The following PDGFC variants were observed in gnomAD, a reference collection of about 807,000 sequenced individuals.
PDGFC encodes platelet-derived growth factor C.
PDGFC carries 12 observed loss-of-function variants against 35.5 expected under a neutral mutation model. The observed-to-expected ratio is 0.34, with a 90% CI of 0.22 to 0.55. The LOEUF (loss-of-function observed/expected upper bound fraction) is 0.55, where lower values mean the gene tolerates loss of function less well. PDGFC is among the 20% of genes least tolerant of loss of function. PDGFC has a pLI of 0.91. For missense variants in PDGFC, 322 were observed against 412.4 expected (o/e 0.78, Z 1.90); for synonymous variants, 159 against 148.8 (o/e 1.07, Z -0.50).
chr4:156,967,035 T>TC (rs1268044183), intron 1 of PDGFC, among the ~76,000 whole-genome samples: 1 of 151,666 alleles, frequency 6.6e-6, no homozygotes, highest in Non-Finnish European at 1.5e-5. Context: ...TCTTTTTTTT[T>TC]TTTTTTGTAA....
intron 2 of PDGFC, among the ~76,000 whole-genome samples, chr4:156,828,884 C>A: frequency 6.6e-6 from 1 of 152,154 alleles, no homozygotes; most frequent in African/African-American, 2.4e-5. Flanking sequence ...GCAGAATTAG[C>A]TAAAGTGGGT....
chr4:156,960,592 T>C (rs1415285657), intron 1 of PDGFC, among the ~76,000 whole-genome samples: 6 of 151,894 alleles, frequency 4.0e-5, no homozygotes, highest in Admixed American at 3.9e-4. Context: ...TCACTGCCTA[T>C]TGAAAACAAA....
chr4:156,858,094 C>G (rs1318732483), intron 1 of PDGFC, among the ~76,000 whole-genome samples: 4 of 151,996 alleles, frequency 2.6e-5, no homozygotes, highest in Non-Finnish European at 5.9e-5. Context: ...TTATTTAAGT[C>G]TGTTATCCTG....
intron 3 of PDGFC, among the ~76,000 whole-genome samples, chr4:156,808,883 G>A (rs28366559): frequency 0.11 from 17,420 of 151,890 alleles, 1,314 homozygotes; most frequent in African/African-American, 0.19. Context: ...AATTGTCAAC[G>A]TAAATTTAAA....
At chr4:156,767,559 C>A (rs1730572914) in intron 5 of PDGFC, among the ~76,000 whole-genome samples, 1 of 151,982 alleles carries the variant, frequency 6.6e-6, no homozygotes. Flanking sequence ...TCATGTTATA[C>A]TACCAGAGAA....
At chr4:156,862,679 C>A (rs532039885) in intron 1 of PDGFC, among the ~76,000 whole-genome samples, 1 of 151,744 alleles carries the variant, frequency 6.6e-6, no homozygotes, top group African/African-American at 2.4e-5. Context: ...TTATAGTCAC[C>A]TTAATCACTT....
At chr4:156,928,072 T>C (rs1219834880) in intron 1 of PDGFC, among the ~76,000 whole-genome samples, 1 of 152,114 alleles carries the variant, frequency 6.6e-6, no homozygotes, top group Admixed American at 6.6e-5. Context: ...TCAGATTTCA[T>C]GAGACTTATT....
At chr4:156,842,444 CA>C (rs1391873265) in intron 2 of PDGFC, among the ~76,000 whole-genome samples, 1 of 151,664 alleles carries the variant, frequency 6.6e-6, no homozygotes, top group Middle Eastern at 3.2e-3. Flanking sequence ...TGAGAAATAA[CA>C]AAATATCTCC....
intron 1 of PDGFC, among the ~76,000 whole-genome samples, chr4:156,903,102 A>AGT (rs1426636075): frequency 4.3e-4 from 38 of 88,324 alleles, no homozygotes; most frequent in African/African-American, 1.9e-3. Context: ...AGAGAGAGAG[A>AGT]GAGTGTGTGT....
At chr4:156,819,105 A>T (rs374712332) in intron 2 of PDGFC, among the ~76,000 whole-genome samples, 1 of 152,204 alleles carries the variant, frequency 6.6e-6, no homozygotes, top group East Asian at 1.9e-4. Context: ...GTTGGAAGCT[A>T]ACAGAGGTTG....
intron 1 of PDGFC, among the ~76,000 whole-genome samples, chr4:156,944,942 C>T (rs1731903309): frequency 6.6e-6 from 1 of 151,888 alleles, no homozygotes; most frequent in African/African-American, 2.4e-5. Context: ...TTGCCTCTCC[C>T]CTTGGCCCTG....
chr4:156,935,074 C>T (rs757654762), intron 1 of PDGFC, among the ~76,000 whole-genome samples: 7 of 152,172 alleles, frequency 4.6e-5, no homozygotes, highest in Non-Finnish European at 1.0e-4. Context: ...CGGCTCACTG[C>T]AACCTCTGCT....
intron 1 of PDGFC, among the ~76,000 whole-genome samples, chr4:156,914,736 T>C (rs1327434446): frequency 6.6e-6 from 1 of 152,186 alleles, no homozygotes; most frequent in Non-Finnish European, 1.5e-5. Context: ...AACCTGGTGA[T>C]TTCTAAAAGT....
intron 2 of PDGFC, among the ~76,000 whole-genome samples, chr4:156,818,311 AT>A (rs546784837): frequency 2.0e-5 from 3 of 151,720 alleles, no homozygotes; most frequent in African/African-American, 7.3e-5. Context: ...TATTGGAACC[AT>A]TTTTTTCTGA....
intron 1 of PDGFC, among the ~76,000 whole-genome samples, chr4:156,851,930 C>CA (rs61505882): frequency 0.046 from 2,197 of 47,746 alleles, 272 homozygotes; most frequent in Non-Finnish European, 0.07. Context: ...GACTCCATCT[C>CA]AAAAAAAAAA....
chr4:156,917,900 C>A (rs1161494947), intron 1 of PDGFC, among the ~76,000 whole-genome samples: 1 of 152,156 alleles, frequency 6.6e-6, no homozygotes, highest in Non-Finnish European at 1.5e-5. Flanking sequence ...TCTGTTTCAA[C>A]ATTCAGGAGA....
intron 3 of PDGFC, among the ~76,000 whole-genome samples, chr4:156,805,782 T>C (rs1001722887): frequency 1.3e-5 from 2 of 151,992 alleles, no homozygotes; most frequent in African/African-American, 4.8e-5. Flanking sequence ...TCCCTCCTCT[T>C]TTCCCCCTCT....
chr4:156,774,665 T>TC lies in PDGFC; in HGVS notation c.496-1773_496-1772insG, dbSNP rs1466278816. Among the ~76,000 whole-genome samples, 334 of 151,572 alleles carry TC rather than the reference T, an allele frequency of 2.2e-3. 1 individual carries two copies. Among genetic ancestry groups the TC allele is most frequent in the South Asian group, 4.0e-3 (19 of 4,772 alleles). ...AATGATTTCATCCTTTTTTTTTTTT[T>TC]TTTTTTAACAAAAGTTTATTGAGTA... On this transcript the variant is annotated intron_variant, in intron 3 of 5. Transcript: ENST00000502773.
At chr4:156,803,614 C>G (rs983830272) in intron 3 of PDGFC, among the ~76,000 whole-genome samples, 6 of 152,062 alleles carry the variant, frequency 3.9e-5, no homozygotes, top group African/African-American at 1.4e-4. Flanking sequence ...TTGGAAGTGC[C>G]TGCCTACAAA....
Sources: allele counts gnomAD v4.1 joint callset (sites outside exome capture counted in the v4.1 genomes callset), GRCh38; gene constraint gnomAD v4.1.1; transcripts MANE v1.5; gene names NCBI Gene and HGNC (gene_info 2026-07-23, HGNC 2026-07-21).